MAP4K4: variants seen among roughly 807,000 people sequenced by gnomAD.
The protein encoded by MAP4K4 is mitogen-activated protein kinase kinase kinase kinase 4, also known as HPK/GCK-like kinase HGK.
Under a neutral mutation model 189.6 loss-of-function variants are expected in MAP4K4, and 38 were observed. The observed-to-expected ratio is 0.20, with a 90% CI of 0.15 to 0.26. The LOEUF is 0.26. Ranked by LOEUF, MAP4K4 falls within the 10% of genes least tolerant of loss-of-function variation. The pLI is 1.00. For missense variants in MAP4K4, 1,054 were observed against 1,726.9 expected, an observed-to-expected ratio of 0.61 and a Z score of 6.91; for synonymous variants, 610 against 624.3, an observed-to-expected ratio of 0.98 and a Z score of 0.34.
intron 12 of MAP4K4, among the ~76,000 whole-genome samples, chr2:101,851,473 A>T (rs1262135720): frequency 6.6e-6 from 1 of 152,100 alleles, no homozygotes; most frequent in Non-Finnish European, 1.5e-5. Flanking sequence ...GATGGTGTGT[A>T]TGTTTCAGTT....
intron 29 of MAP4K4, among the ~76,000 whole-genome samples, chr2:101,886,046 C>T (rs911149497): frequency 6.6e-6 from 1 of 152,086 alleles, no homozygotes; most frequent in African/African-American, 2.4e-5. Context: ...GGATTGCTTA[C>T]TGCTTGATTT....
chr2:101,844,893 A>G (rs748340335), intron 12 of MAP4K4, among the ~76,000 whole-genome samples: 1 of 152,150 alleles, frequency 6.6e-6, no homozygotes, highest in Non-Finnish European at 1.5e-5. Flanking sequence ...CCTATGTAAC[A>G]AACCACGTTC....
chr2:101,719,942 G>T (rs934101083), intron 2 of MAP4K4, among the ~76,000 whole-genome samples: 1 of 152,004 alleles, frequency 6.6e-6, no homozygotes, highest in Non-Finnish European at 1.5e-5. Flanking sequence ...TACCTGGGAG[G>T]CGGAGGTTGC....
intron 13 of MAP4K4, among the ~76,000 whole-genome samples, chr2:101,856,466 A>T (rs1302381129): frequency 2.0e-5 from 3 of 152,140 alleles, no homozygotes; most frequent in Admixed American, 2.0e-4. Flanking sequence ...GACCCCAAAT[A>T]TATGGGTGAT....
At chr2:101,801,116 T>G (rs1415915974) in intron 3 of MAP4K4, among the ~76,000 whole-genome samples, 1 of 152,222 alleles carries the variant, frequency 6.6e-6, no homozygotes, top group Non-Finnish European at 1.5e-5. Context: ...TTCCTCCTCT[T>G]TCTTTATTCC....
chr2:101,795,104 A>G (rs1486752091), intron 3 of MAP4K4, among the ~76,000 whole-genome samples: 1 of 152,140 alleles, frequency 6.6e-6, no homozygotes, highest in East Asian at 1.9e-4. Flanking sequence ...CCTTCCCATT[A>G]TTAGTGAAGC....
chr2:101,778,608 A>G (rs943256852), intron 2 of MAP4K4, among the ~76,000 whole-genome samples: 2 of 152,120 alleles, frequency 1.3e-5, no homozygotes, highest in African/African-American at 4.8e-5. Flanking sequence ...GGGCAGGGTT[A>G]AGAGGAGTCG....
intron 28 of MAP4K4, among the ~76,000 whole-genome samples, chr2:101,884,033 C>T (rs566357034): frequency 6.6e-5 from 10 of 152,044 alleles, no homozygotes; most frequent in Non-Finnish European, 1.2e-4. Flanking sequence ...GATTATCCTG[C>T]AGGGGGAGCA....
rs61026638 is a variant in MAP4K4 at position 101,789,752 on chromosome 2, C to T, written c.124-968C>T. 6.0e-3 allele frequency among the ~76,000 whole-genome samples: 910 copies of T among 152,292 alleles called. 9 individuals carry two copies. The highest frequency in any genetic ancestry group is 0.02 in the African/African-American group (820 of 41,556). On this transcript the variant is annotated intron_variant, in intron 2 of 32. Transcript: ENST00000324219. ...GTTAAGTAGATCATGCTCAGCATAT[C>T]TGGATGCTCTTTGCTACTGGCCTGA...
chr2:101,736,821 T>G (rs2060446995), intron 2 of MAP4K4, among the ~76,000 whole-genome samples: 1 of 152,182 alleles, frequency 6.6e-6, no homozygotes, highest in African/African-American at 2.4e-5. Context: ...TGGTGGATAC[T>G]TAATAACGGT....
At chr2:101,762,615 G>C (rs933806523) in intron 2 of MAP4K4, among the ~76,000 whole-genome samples, 2 of 152,200 alleles carry the variant, frequency 1.3e-5, no homozygotes, top group African/African-American at 4.8e-5. Context: ...TAAGGGCATG[G>C]CCATCTAAAT....
At chr2:101,750,699 C>T (rs2149961995) in intron 2 of MAP4K4, among the ~76,000 whole-genome samples, 1 of 151,846 alleles carries the variant, frequency 6.6e-6, no homozygotes, top group Non-Finnish European at 1.5e-5. Flanking sequence ...GTGGTGCAGG[C>T]CTGTAATCCT....
At chr2:101,766,540 G>A (rs1463515149) in intron 2 of MAP4K4, among the ~76,000 whole-genome samples, 1 of 151,710 alleles carries the variant, frequency 6.6e-6, no homozygotes, top group Non-Finnish European at 1.5e-5. Context: ...TATTGGTTGG[G>A]TAATTTTGGA....
At chr2:101,806,093 T>C (rs926541884) in intron 3 of MAP4K4, among the ~76,000 whole-genome samples, 3 of 152,286 alleles carry the variant, frequency 2.0e-5, no homozygotes, top group African/African-American at 7.2e-5. Context: ...CTTTGTCTCT[T>C]ACAGATCATG....
At chr2:101,888,006 C>G in intron 31 of MAP4K4, 69 bp downstream of exon 31, 1 of 1,405,958 alleles carries the variant, frequency 7.1e-7, no homozygotes, top group Non-Finnish European at 9.7e-7. Context: ...ATTTATTTAT[C>G]ATGCTGATTT....
chr2:101,891,295 C>A, exon 33 of MAP4K4: 1 of 1,536,720 alleles, frequency 6.5e-7, no homozygotes, highest in Non-Finnish European at 9.0e-7. Context: ...TCTTCAAGAT[C>A]CTGAGAACTT....
At chr2:101,863,552 T>C (rs1357330531) in intron 16 of MAP4K4, among the ~76,000 whole-genome samples, 2 of 152,170 alleles carry the variant, frequency 1.3e-5, no homozygotes, top group African/African-American at 4.8e-5. Context: ...AAAATAAAAA[T>C]CTTCACATTA....
At chr2:101,767,802 A>G (rs2079299486) in intron 2 of MAP4K4, among the ~76,000 whole-genome samples, 1 of 152,194 alleles carries the variant, frequency 6.6e-6, no homozygotes, top group Non-Finnish European at 1.5e-5. Context: ...CAGAAAATTC[A>G]CTTTAATAAT....
intron 3 of MAP4K4, among the ~76,000 whole-genome samples, chr2:101,798,475 T>C (rs558672735): frequency 1.3e-5 from 2 of 152,364 alleles, no homozygotes; most frequent in Non-Finnish European, 1.5e-5. Flanking sequence ...ATGCCTGTGA[T>C]GTTTTACATT....
Sources: allele counts gnomAD v4.1 joint callset (sites outside exome capture counted in the v4.1 genomes callset), GRCh38; gene constraint gnomAD v4.1.1; transcripts MANE v1.5; gene names NCBI Gene and HGNC (gene_info 2026-07-23, HGNC 2026-07-21).